The following RGS5 variants were observed in gnomAD, a reference collection of about 807,000 sequenced individuals.
The protein encoded by RGS5 is regulator of G-protein signalling 5.
Under a neutral mutation model 18.9 loss-of-function variants are expected in RGS5, and 20 were observed. That is an observed-to-expected ratio of 1.06 (90% confidence interval 0.74 to 1.54). The LOEUF (loss-of-function observed/expected upper bound fraction) is 1.54, where lower values mean the gene tolerates loss of function less well. RGS5 is among the 40% of genes most tolerant of loss of function. RGS5 has a pLI of 0.00. For missense variants in RGS5, 201 were observed against 211.8 expected, an observed-to-expected ratio of 0.95 and a Z score of 0.32; for synonymous variants, 57 against 76.2, an observed-to-expected ratio of 0.75 and a Z score of 1.31.
intron 2 of RGS5, among the ~76,000 whole-genome samples, chr1:163,223,750 CA>C (rs1173114976): frequency 1.3e-5 from 2 of 152,100 alleles, no homozygotes; most frequent in Non-Finnish European, 2.9e-5. Flanking sequence ...CACATTCCAC[CA>C]ATTTGAATTA....
intron 3 of RGS5, among the ~76,000 whole-genome samples, chr1:163,157,115 A>C (rs1468599780): frequency 6.6e-6 from 1 of 152,160 alleles, no homozygotes. Context: ...TCTAAATCAC[A>C]AGGGTGTCTC....
At chr1:163,249,215 TGAG>T (rs1648034376) in intron 2 of RGS5, among the ~76,000 whole-genome samples, 1 of 152,196 alleles carries the variant, frequency 6.6e-6, no homozygotes, top group Admixed American at 6.5e-5. Context: ...ATCTTCTCTA[TGAG>T]GAGTACAATA....
At chr1:163,321,295 T>C (rs1438159084) in intron 1 of RGS5, 4 of 152,336 alleles carry the variant, frequency 2.6e-5, no homozygotes, top group African/African-American at 9.6e-5. Flanking sequence ...CACTTCTCTC[T>C]GAGTCCAGTT....
In RGS5 at chr1:163,147,390, A is replaced by G; in HGVS notation, c.498T>C (p.Ser166=). 6.2e-7 allele frequency: 1 copy of G among 1,612,642 alleles called. No individual in the cohort carries two copies. The highest frequency in any genetic ancestry group is 1.7e-4 in the Middle Eastern group (1 of 6,054). The change falls in exon 5 of 5, where the codon TCT becomes TCC. Residue 166 remains serine (S), a synonymous_variant. Transcript: ENST00000313961. ...KRIHALMEKD[S]LPRFVRSEFY... Reference sequence around the variant, plus strand: ...ACTCAGAGCGCACAAAGCGAGGCAGAGAATCCTTTTCCATCAGGGCATGGA... The same window carrying G: ...ACTCAGAGCGCACAAAGCGAGGCAGGGAATCCTTTTCCATCAGGGCATGGA...
chr1:163,246,953 C>A (rs1647958032), intron 2 of RGS5, among the ~76,000 whole-genome samples: 2 of 152,094 alleles, frequency 1.3e-5, no homozygotes, highest in South Asian at 4.1e-4. Flanking sequence ...CAGCTGGGGG[C>A]CATTACCCTA....
intron 1 of RGS5, chr1:163,212,482 A>G (rs1660129457): frequency 6.6e-6 from 1 of 152,276 alleles, no homozygotes; most frequent in South Asian, 2.1e-4. Context: ...ACCTAAGTAC[A>G]TGGCTTGATT....
intron 2 of RGS5, among the ~76,000 whole-genome samples, chr1:163,277,469 C>T (rs1648885913): frequency 6.6e-6 from 1 of 152,176 alleles, no homozygotes; most frequent in Admixed American, 6.5e-5. Flanking sequence ...AACTAAACCC[C>T]TGGCTCATCC....
In RGS5 at chr1:163,253,599, C is replaced by T. The variant is rs570051143; in HGVS notation, c.-281+52634G>A. Among the ~76,000 whole-genome samples, 387 of 150,690 alleles carry T rather than the reference C, an allele frequency of 2.6e-3. 2 individuals carry two copies. Among genetic ancestry groups the T allele is most frequent in the African/African-American group, 9.2e-3 (377 of 40,904 alleles). ...TTCTGGGATTACAGGCGTGAGCCACCGCACCTGGCCAAGACCATTTTTCTT... is the reference window on the plus strand; with the variant it reads ...TTCTGGGATTACAGGCGTGAGCCACTGCACCTGGCCAAGACCATTTTTCTT... On this transcript the variant is annotated intron_variant, in intron 2 of 5. Coordinates refer to the RGS5 transcript ENST00000618415.
chr1:163,168,134 A>AG (rs1557886957), intron 2 of RGS5, 124 bp downstream of exon 2: 1 of 649,696 alleles, frequency 1.5e-6, no homozygotes, highest in Non-Finnish European at 2.6e-6. Flanking sequence ...CAACTCTCTG[A>AG]GGGCTCTTAT....
At chr1:163,219,209 A>G (rs1660283068), upstream of RGS5, among the ~76,000 whole-genome samples, 1 of 152,170 alleles carries the variant, frequency 6.6e-6, no homozygotes, top group South Asian at 2.1e-4. Flanking sequence ...CAGCACCCAG[A>G]TTAAGAAACA....
intron 3 of RGS5, among the ~76,000 whole-genome samples, chr1:163,156,389 T>C (rs1289884741): frequency 6.6e-6 from 1 of 152,182 alleles, no homozygotes; most frequent in South Asian, 2.1e-4. Context: ...AATTTAAAAT[T>C]AATCTTTTAA....
intron 2 of RGS5, among the ~76,000 whole-genome samples, chr1:163,298,996 G>C (rs573891009): frequency 1.3e-5 from 2 of 150,354 alleles, no homozygotes; most frequent in African/African-American, 4.9e-5. Context: ...ATACATGAGA[G>C]GATGGCCATT....
At chr1:163,273,220 T>C (rs1465458326) in intron 2 of RGS5, among the ~76,000 whole-genome samples, 1 of 152,126 alleles carries the variant, frequency 6.6e-6, no homozygotes, top group Non-Finnish European at 1.5e-5. Flanking sequence ...ACTCTTTGGG[T>C]GGAGCGTTCT....
chr1:163,262,151 C>CTTTTTTTTTTTTTT (rs532698783), intron 2 of RGS5, among the ~76,000 whole-genome samples: 9 of 121,106 alleles, frequency 7.4e-5, no homozygotes, highest in African/African-American at 2.2e-4. Context: ...AGTTTTGAAA[C>CTTTTTTTTTTTTTT]TTTTTTTTTT....
At chr1:163,228,731 C>T (rs1293106425) in intron 2 of RGS5, among the ~76,000 whole-genome samples, 1 of 152,216 alleles carries the variant, frequency 6.6e-6, no homozygotes, top group Non-Finnish European at 1.5e-5. Flanking sequence ...TCTACTTCCC[C>T]TTCAATGCTT....
intron 2 of RGS5, among the ~76,000 whole-genome samples, chr1:163,278,480 T>G (rs906720462): frequency 2.0e-5 from 3 of 152,122 alleles, no homozygotes; most frequent in African/African-American, 4.8e-5. Flanking sequence ...GGAGATCATT[T>G]TCAGGACCTG....
intron 1 of RGS5, among the ~76,000 whole-genome samples, chr1:163,171,543 T>A (rs1658298116): frequency 6.6e-6 from 1 of 152,224 alleles, no homozygotes; most frequent in Non-Finnish European, 1.5e-5. Flanking sequence ...TTGTTTTGGT[T>A]TTAACTTTAT....
At chr1:163,174,662 T>C (rs1439584930) in intron 1 of RGS5, among the ~76,000 whole-genome samples, 2 of 152,220 alleles carry the variant, frequency 1.3e-5, no homozygotes, top group East Asian at 3.9e-4. Context: ...ATAGGACATA[T>C]GCTGATGAGA....
Position 163,184,115 on chromosome 1 carries a change from T to C in RGS5, c.45-15747A>G, listed in dbSNP as rs539313204. On this transcript the variant is annotated intron_variant, in intron 1 of 4. Transcript: ENST00000313961. ...GGTTACTGGAATAGGAGTCTCTAAGTCAGAGATCTGGGCTTAATGGAGCAA... is the reference window on the plus strand; with the variant it reads ...GGTTACTGGAATAGGAGTCTCTAAGCCAGAGATCTGGGCTTAATGGAGCAA... 2.6e-5 allele frequency among the ~76,000 whole-genome samples: 4 copies of C among 152,214 alleles called. No homozygotes were observed. The East Asian group carries it at 7.7e-4, about 29-fold the overall frequency.
Sources: gnomAD v4.1 joint callset for allele counts (sites outside exome capture counted in the v4.1 genomes callset) on GRCh38, gnomAD v4.1.1 for gene constraint, MANE v1.5 for transcripts, NCBI Gene and HGNC (gene_info 2026-07-23, HGNC 2026-07-21) for gene names.